Variants in ARK2C observed in about 807,000 individuals in gnomAD.
ARK2C encodes arkadia (RNF111) C-terminal like ring finger ubiquitin ligase 2C, also known as E3 ubiquitin-protein ligase ARK2C.
At chr18:46,450,813 C>A in the ARK2C span, 1 of 1,597,016 alleles carries the variant, frequency 6.3e-7, no homozygotes, top group Non-Finnish European at 8.6e-7. Context: ...GGTCTGCCAG[C>A]AGGCCAGCCT....
chr18:46,391,837 C>A, the ARK2C span, among the ~76,000 whole-genome samples: 1 of 151,570 alleles, frequency 6.6e-6, no homozygotes, highest in Non-Finnish European at 1.5e-5. Context: ...ATGTACAGAC[C>A]ACATACCCTG....
At chr18:46,342,705 G>A in the ARK2C span, among the ~76,000 whole-genome samples, 1 of 152,122 alleles carries the variant, frequency 6.6e-6, no homozygotes, top group African/African-American at 2.4e-5. Flanking sequence ...ATGAGGGCAC[G>A]TTTTGCATTT....
chr18:46,397,996 G>T, the ARK2C span, among the ~76,000 whole-genome samples: 4 of 147,748 alleles, frequency 2.7e-5, no homozygotes, highest in African/African-American at 7.6e-5. Flanking sequence ...GTGTGAGGGT[G>T]TGTGTGCATG....
the ARK2C span, among the ~76,000 whole-genome samples, chr18:46,444,637 C>T: frequency 6.7e-6 from 1 of 148,940 alleles, no homozygotes; most frequent in East Asian, 1.9e-4. Flanking sequence ...CTAATTTAAA[C>T]ATTTTTTTTT....
chr18:46,407,555 T>G, the ARK2C span, among the ~76,000 whole-genome samples: 4 of 152,178 alleles, frequency 2.6e-5, no homozygotes, highest in African/African-American at 9.7e-5. Flanking sequence ...TTGTTTAGTG[T>G]TTTTTTGTTT....
chr18:46,403,969 C>A, the ARK2C span, among the ~76,000 whole-genome samples: 5 of 152,168 alleles, frequency 3.3e-5, no homozygotes, highest in African/African-American at 7.2e-5. Flanking sequence ...GAAGCTCATT[C>A]TTTAGGGGAT....
At chr18:46,396,591 A>G in the ARK2C span, among the ~76,000 whole-genome samples, 2 of 152,210 alleles carry the variant, frequency 1.3e-5, no homozygotes, top group African/African-American at 4.8e-5. Context: ...CTTGAACTCA[A>G]TTCAGTGGTC....
chr18:46,359,424 A>AC, the ARK2C span, among the ~76,000 whole-genome samples: 4 of 152,152 alleles, frequency 2.6e-5, no homozygotes, highest in African/African-American at 9.7e-5. Context: ...AGGGGACCTG[A>AC]CCACTGATGA....
At chr18:46,451,328 G>A in the ARK2C span, among the ~76,000 whole-genome samples, 1 of 151,956 alleles carries the variant, frequency 6.6e-6, no homozygotes, top group Non-Finnish European at 1.5e-5. Flanking sequence ...GAATCTCCAG[G>A]GCTAAGAACT....
At chr18:46,375,931 A>G in the ARK2C span, among the ~76,000 whole-genome samples, 1 of 152,158 alleles carries the variant, frequency 6.6e-6, no homozygotes, top group African/African-American at 2.4e-5. Context: ...AGACTGTACA[A>G]TTTTGGGTGA....
the ARK2C span, among the ~76,000 whole-genome samples, chr18:46,450,967 T>C: frequency 6.6e-6 from 1 of 152,122 alleles, no homozygotes; most frequent in Non-Finnish European, 1.5e-5. Flanking sequence ...ATGTTACTTT[T>C]CTGTGCCAGG....
At chr18:46,345,356 A>G in the ARK2C span, among the ~76,000 whole-genome samples, 4 of 132,996 alleles carry the variant, frequency 3.0e-5, no homozygotes, top group Non-Finnish European at 5.0e-5. Context: ...GAGGTGGGAG[A>G]GAAGGCCAGA....
the ARK2C span, chr18:46,447,828 A>T: frequency 5.1e-6 from 5 of 986,066 alleles, no homozygotes; most frequent in African/African-American, 6.4e-5. Flanking sequence ...CGGCTTCCAC[A>T]TGACCCAGCT....
At chr18:46,438,452 T>C in the ARK2C span, among the ~76,000 whole-genome samples, 1 of 152,224 alleles carries the variant, frequency 6.6e-6, no homozygotes. Flanking sequence ...GTTAGCATTC[T>C]TAGGATTGGG....
the ARK2C span, chr18:46,334,194 C>CCCG: frequency 1.1e-6 from 1 of 926,450 alleles, no homozygotes; most frequent in African/African-American, 1.8e-5. This position sits in a 1 kb window ranked among gnomAD's most constrained non-coding sequence, Gnocchi z 4.4. Flanking sequence ...AGCCCCGCCG[C>CCCG]CGCCCGCGCC....
chr18:46,341,538 C>T, the ARK2C span, among the ~76,000 whole-genome samples: 1 of 152,160 alleles, frequency 6.6e-6, no homozygotes, highest in Non-Finnish European at 1.5e-5. Flanking sequence ...CAGATAAGCA[C>T]ATAGAACTTC....
At chr18:46,356,638 C>T in the ARK2C span, among the ~76,000 whole-genome samples, 1 of 152,164 alleles carries the variant, frequency 6.6e-6, no homozygotes, top group Non-Finnish European at 1.5e-5. Context: ...CAGATTCCAT[C>T]ATGGGTTCCC....
chr18:46,360,999 T>G, the ARK2C span, among the ~76,000 whole-genome samples: 27 of 152,346 alleles, frequency 1.8e-4, no homozygotes, highest in African/African-American at 6.5e-4. Context: ...AACTGAAACA[T>G]TACCTTTTCT....
At chr18:46,357,880 A>T in the ARK2C span, among the ~76,000 whole-genome samples, 1 of 152,180 alleles carries the variant, frequency 6.6e-6, no homozygotes, top group Non-Finnish European at 1.5e-5. Flanking sequence ...ACCAGGGAAG[A>T]TTCCTTCCTC....
Sources: allele counts gnomAD v4.1 joint callset (sites outside exome capture counted in the v4.1 genomes callset), GRCh38; gene constraint gnomAD v4.1.1; non-coding constraint Gnocchi (gnomAD v3.1); transcripts MANE v1.5; gene names NCBI Gene and HGNC (gene_info 2026-07-23, HGNC 2026-07-21).